The following TBX15 variants were observed in gnomAD, a reference collection of about 807,000 sequenced individuals.
TBX15 encodes the protein T-box transcription factor TBX15.
Under a neutral mutation model 53.9 loss-of-function variants are expected in TBX15, and 18 were observed. That is an observed-to-expected ratio of 0.33 (90% confidence interval 0.23 to 0.49). The LOEUF (loss-of-function observed/expected upper bound fraction) is 0.49, where lower values mean the gene tolerates loss of function less well. Among genes scored for constraint, TBX15 ranks in the 20% least tolerant of loss-of-function variants. The pLI, the probability that TBX15 is intolerant of heterozygous loss-of-function variation, is 0.98. For missense variants in TBX15, 692 were observed against 749.5 expected, an observed-to-expected ratio of 0.92 and a Z score of 0.90; for synonymous variants, 295 against 278.0, an observed-to-expected ratio of 1.06 and a Z score of -0.61.
chr1:118,934,643 AT>A, intron 1 of TBX15, among the ~76,000 whole-genome samples: 1 of 152,348 alleles, frequency 6.6e-6, no homozygotes. Flanking sequence ...GACTATGAGC[AT>A]TCAAAAATAA....
At chr1:118,979,513 C>G (rs1467806204) in intron 1 of TBX15, among the ~76,000 whole-genome samples, 1 of 152,200 alleles carries the variant, frequency 6.6e-6, no homozygotes, top group Non-Finnish European at 1.5e-5. Flanking sequence ...AGTTTGATTC[C>G]TCGGAAATTT....
intron 6 of TBX15, among the ~76,000 whole-genome samples, 193 bp from the exon 7 acceptor site, chr1:118,899,318 C>A (rs563822614): frequency 6.6e-6 from 1 of 152,134 alleles, no homozygotes; most frequent in African/African-American, 2.4e-5. Flanking sequence ...ACAAATTAAC[C>A]CAATTCAGAT....
intron 7 of TBX15, among the ~76,000 whole-genome samples, chr1:118,893,356 GGAAAGAAAGAAAGAAA>G (rs200654722): frequency 0.013 from 670 of 51,018 alleles, 21 homozygotes; most frequent in East Asian, 0.12. Flanking sequence ...AAGGAAGGAA[GGAAAGAAAGAAAGAAA>G]GAAAGAAAGA....
In TBX15 at chr1:118,943,789, GA is replaced by G. The variant is rs1424329162; in HGVS notation, c.206-11958del. On this transcript the variant is annotated intron_variant, in intron 1 of 7. Coordinates refer to ENST00000369429, the MANE Select transcript of TBX15 (RefSeq NM_001330677.2). ...ATAAGGAAAACACACTGAGGAGGCA[GA>G]AAAAAATCTAGTACCTAGGTGAGGC... 2.0e-5 allele frequency among the ~76,000 whole-genome samples: 3 copies of G among 152,222 alleles called. No homozygotes were observed. The South Asian group carries it at 6.2e-4, about 32-fold the overall frequency.
intron 1 of TBX15, among the ~76,000 whole-genome samples, chr1:118,957,643 C>T (rs181735562): frequency 3.3e-5 from 5 of 152,212 alleles, no homozygotes; most frequent in Middle Eastern, 3.4e-3. Flanking sequence ...CACAACAGGC[C>T]GCGGTGTGTG....
At chr1:118,973,532 T>G (rs1280843555) in intron 1 of TBX15, among the ~76,000 whole-genome samples, 1 of 151,898 alleles carries the variant, frequency 6.6e-6, no homozygotes, top group Non-Finnish European at 1.5e-5. Context: ...GCCCAAAAAC[T>G]GCCCTTATAA....
At chr1:118,962,791 T>C (rs1656921407) in intron 1 of TBX15, among the ~76,000 whole-genome samples, 1 of 152,220 alleles carries the variant, frequency 6.6e-6, no homozygotes, top group Admixed American at 6.5e-5. Context: ...GTGACAATGA[T>C]GATCTTTGGA....
At chr1:118,933,917 C>T (rs1163771252) in intron 1 of TBX15, among the ~76,000 whole-genome samples, 1 of 152,096 alleles carries the variant, frequency 6.6e-6, no homozygotes, top group Non-Finnish European at 1.5e-5. Flanking sequence ...AAGTAGGACC[C>T]AACAGAAATT....
chr1:118,895,902 T>C (rs1451737735), intron 7 of TBX15, among the ~76,000 whole-genome samples: 1 of 152,188 alleles, frequency 6.6e-6, no homozygotes, highest in Non-Finnish European at 1.5e-5. Context: ...GAAAGGAAAC[T>C]GTCCTGTCAA....
chr1:118,890,944 C>A (rs867074073), intron 7 of TBX15: 1 of 1,303,936 alleles, frequency 7.7e-7, no homozygotes, highest in East Asian at 5.6e-5. Context: ...CACTGTGTAT[C>A]CTTGAGAAGT....
At chr1:118,984,011 G>A (rs1657733937) in intron 1 of TBX15, among the ~76,000 whole-genome samples, 1 of 152,248 alleles carries the variant, frequency 6.6e-6, no homozygotes, top group African/African-American at 2.4e-5. Flanking sequence ...TAAAATCTCT[G>A]AGTTTTATTT....
chr1:118,953,663 C>G (rs972714459), intron 1 of TBX15, among the ~76,000 whole-genome samples: 25 of 152,274 alleles, frequency 1.6e-4, no homozygotes, highest in Admixed American at 2.6e-4. Flanking sequence ...GTCTTCCTAA[C>G]CCAGTACCAA....
chr1:118,904,524 G>A (rs1348464010), intron 6 of TBX15, among the ~76,000 whole-genome samples: 1 of 152,146 alleles, frequency 6.6e-6, no homozygotes, highest in Non-Finnish European at 1.5e-5. Flanking sequence ...TGAAGTAGCT[G>A]TCATTAATGT....
chr1:118,929,540 C>T (rs773473416), intron 2 of TBX15, among the ~76,000 whole-genome samples: 1 of 152,072 alleles, frequency 6.6e-6, no homozygotes, highest in Non-Finnish European at 1.5e-5. Flanking sequence ...AATACAGAAC[C>T]AATTAATGTA....
intron 1 of TBX15, among the ~76,000 whole-genome samples, chr1:118,943,058 A>G (rs551877170): frequency 5.0e-4 from 76 of 152,262 alleles, no homozygotes; most frequent in African/African-American, 1.5e-3. Context: ...AAGCTGCTTA[A>G]CCTTTCTGAG....
At chr1:118,912,376 T>C (rs1175094061) in intron 6 of TBX15, among the ~76,000 whole-genome samples, 4 of 152,068 alleles carry the variant, frequency 2.6e-5, no homozygotes, top group Admixed American at 1.3e-4. Context: ...TGTGCATCTA[T>C]TCATTCAAAC....
intron 1 of TBX15, among the ~76,000 whole-genome samples, chr1:118,950,398 T>G (rs1455645263): frequency 6.6e-6 from 1 of 152,206 alleles, no homozygotes; most frequent in Non-Finnish European, 1.5e-5. Flanking sequence ...CTCACTGACA[T>G]AAAGAGGAGC....
chr1:118,902,255 T>C (rs1277668424), intron 6 of TBX15, among the ~76,000 whole-genome samples: 1 of 152,168 alleles, frequency 6.6e-6, no homozygotes, highest in South Asian at 2.1e-4. Context: ...TCAACCCTAT[T>C]ATGCTTCATT....
chr1:118,987,730 G>A lies in TBX15; in HGVS notation c.66C>T (p.Ala22=). The A allele has an allele frequency of 1.9e-6, 3 of 1,550,390 alleles. No individual in the cohort carries two copies. Among genetic ancestry groups the A allele is most frequent in the Admixed American group, 2.0e-5 (1 of 51,010 alleles). The part of the protein sequence containing the change: ...SSRAHAFSVE[A]LIGSNKKRKL... ...TCCGTTTTTTATTTGAGCCGATCAA[G>A]GCTTCAACGGAGAAGGCATGTGCTC... The change falls in exon 1 of 8, where the codon GCC becomes GCT. Residue 22 remains alanine, a synonymous_variant. Transcript: ENST00000369429.
Sources: gnomAD v4.1 joint callset for allele counts (sites outside exome capture counted in the v4.1 genomes callset) on GRCh38, gnomAD v4.1.1 for gene constraint, MANE v1.5 for transcripts, NCBI Gene and HGNC (gene_info 2026-07-23, HGNC 2026-07-21) for gene names.